The following MDGA2 variants were observed in gnomAD, a reference collection of about 807,000 sequenced individuals.
The protein encoded by MDGA2 is MAM domain-containing glycosylphosphatidylinositol anchor protein 2.
Under a neutral mutation model 117.8 loss-of-function variants are expected in MDGA2, and 40 were observed. The ratio of observed to expected loss-of-function variants is 0.34; its 90% confidence interval spans 0.26 to 0.44. MDGA2 has a LOEUF of 0.44. Ranked by LOEUF, MDGA2 falls within the 20% of genes least tolerant of loss-of-function variation. The probability of loss-of-function intolerance (pLI) is 1.00; values close to 1 mark genes in which losing one functional copy is unlikely to be tolerated. For synonymous variants in MDGA2, 452 were observed against 439.0 expected, an observed-to-expected ratio of 1.03 and a Z score of -0.37; for missense variants, 1,123 against 1,250.6, an observed-to-expected ratio of 0.90 and a Z score of 1.54.
At position 47,456,459 on chromosome 14, in the gene MDGA2, AT is replaced by A. The variant is rs376862684; in HGVS notation, c.281-154910del. 4.4e-3 allele frequency among the ~76,000 whole-genome samples: 629 copies of A among 144,308 alleles called. 4 individuals are homozygous for A. The highest frequency in any genetic ancestry group is 8.4e-3 in the African/African-American group (327 of 39,106). 94.7% of individuals were successfully genotyped at this position (144,308 alleles called of 152,430 possible). ...AGGCATGCACCACCACGCCTGGCTA[AT>A]TTTTTTTTTTTTTTTAGTAGAGACT... On this transcript the variant is annotated intron_variant, in intron 1 of 16. Transcript: ENST00000399232.
intron 2 of MDGA2, among the ~76,000 whole-genome samples, chr14:47,254,092 C>T (rs903383873): frequency 2.0e-5 from 3 of 152,156 alleles, no homozygotes; most frequent in African/African-American, 7.2e-5. Flanking sequence ...CTGGGCCTGC[C>T]CCACACAACC....
intron 5 of MDGA2, among the ~76,000 whole-genome samples, chr14:47,101,109 AT>A (rs1880289018): frequency 2.2e-5 from 3 of 135,832 alleles, no homozygotes; most frequent in Admixed American, 1.5e-4. Flanking sequence ...AGATAGATAG[AT>A]AGATAGATAG....
intron 2 of MDGA2, among the ~76,000 whole-genome samples, chr14:47,288,552 T>C (rs1888768523): frequency 6.6e-6 from 1 of 152,162 alleles, no homozygotes; most frequent in African/African-American, 2.4e-5. Context: ...CATTTAATGA[T>C]TTCTGCCAAA....
At chr14:47,292,823 G>C (rs191134624) in intron 2 of MDGA2, among the ~76,000 whole-genome samples, 27 of 152,254 alleles carry the variant, frequency 1.8e-4, no homozygotes, top group African/African-American at 6.5e-4. Context: ...GATAAGTCAA[G>C]TACCACTCTA....
At chr14:47,047,773 T>C (rs1015921941) in intron 7 of MDGA2, among the ~76,000 whole-genome samples, 2 of 151,946 alleles carry the variant, frequency 1.3e-5, no homozygotes, top group Non-Finnish European at 2.9e-5. Flanking sequence ...GTACTGAGGA[T>C]AGGTACTTAC....
chr14:46,890,433 C>G (rs1221742062), intron 10 of MDGA2, among the ~76,000 whole-genome samples: 3 of 152,136 alleles, frequency 2.0e-5, no homozygotes, highest in Admixed American at 6.6e-5. Flanking sequence ...AAACTACTTT[C>G]AACTTGCATT....
chr14:47,454,241 G>T (rs1261689898), intron 1 of MDGA2, among the ~76,000 whole-genome samples: 1 of 152,014 alleles, frequency 6.6e-6, no homozygotes, highest in Non-Finnish European at 1.5e-5. Context: ...TCTAATTTTT[G>T]ATGTCTGACA....
Position 47,301,667 on chromosome 14 carries a change from T to C in MDGA2, c.281-117A>G. The C allele has an allele frequency of 2.8e-6, 3 of 1,057,144 alleles. No homozygotes were observed. The South Asian group carries it at 4.7e-5, about 17-fold the overall frequency. 65.5% of individuals were successfully genotyped at this position (1,057,144 alleles called of 1,614,324 possible). On this transcript the variant is annotated intron_variant, in intron 1 of 16. Transcript: ENST00000399232. The stretch of plus-strand genomic sequence containing the variant: ...TTAGACTTCACCATAGTCAGATTAG[T>C]CAGATTCATCAGTCTTAACACCTCC...
At chr14:47,449,494 C>T (rs1027028785) in intron 1 of MDGA2, among the ~76,000 whole-genome samples, 16 of 152,006 alleles carry the variant, frequency 1.1e-4, no homozygotes. Flanking sequence ...AGGAGCATAA[C>T]TTTTTGTTTG....
chr14:47,418,636 T>G (rs1594847438), intron 1 of MDGA2, among the ~76,000 whole-genome samples: 1 of 152,274 alleles, frequency 6.6e-6, no homozygotes, highest in African/African-American at 2.4e-5. Flanking sequence ...GAGTTAGAAT[T>G]TCAACATATA....
intron 1 of MDGA2, among the ~76,000 whole-genome samples, chr14:47,584,323 C>T (rs1896281158): frequency 6.6e-6 from 1 of 151,672 alleles, no homozygotes; most frequent in Admixed American, 6.6e-5. Flanking sequence ...AAAACATGAT[C>T]ACACTTGTGA....
intron 1 of MDGA2, among the ~76,000 whole-genome samples, chr14:47,664,608 C>T (rs1170951245): frequency 6.6e-6 from 1 of 152,152 alleles, no homozygotes; most frequent in Non-Finnish European, 1.5e-5. Flanking sequence ...AGAAGAAAGC[C>T]CACGTTACCC....
chr14:47,500,744 G>A (rs1253900699), intron 1 of MDGA2, among the ~76,000 whole-genome samples: 1 of 152,006 alleles, frequency 6.6e-6, no homozygotes, highest in Admixed American at 6.6e-5. Flanking sequence ...GGAGACTAAC[G>A]AAAGTTAATA....
At chr14:47,599,936 C>A (rs577534650) in intron 1 of MDGA2, among the ~76,000 whole-genome samples, 1 of 152,246 alleles carries the variant, frequency 6.6e-6, no homozygotes, top group Non-Finnish European at 1.5e-5. Context: ...GCATATTTCA[C>A]ATATCCTCAA....
At position 47,074,065 on chromosome 14, in the gene MDGA2, G is replaced by T. The variant is rs1462817171; in HGVS notation, c.1196-12487C>A. ...GTCTTTCCCATGTATTTATGAACAT[G>T]ATCATAATTAAATTAGCATGATCAT... On this transcript the variant is annotated intron_variant, in intron 6 of 16. Transcript: ENST00000399232. 2.0e-5 allele frequency among the ~76,000 whole-genome samples: 3 copies of T among 151,506 alleles called. No individual in the cohort carries two copies. The East Asian group carries it at 5.8e-4, about 29-fold the overall frequency.
Position 46,845,871 on chromosome 14 carries a change from G to T in MDGA2, c.2884C>A (p.Leu962Ile), listed in dbSNP as rs760509536. ...VNIYPITSFQ[L>I]IFEGIRGPGI... ...GGACCTCGGATACCTTCAAAAATGA[G>T]CTACAAATATGAATGAAACAAACCT... Residue 962 changes from leucine (L) to isoleucine (I), a missense_variant and splice_region_variant, in exon 16 of 17, where the codon CTC (leucine) becomes ATC (isoleucine). Physicochemically the swap from Leu to Ile is conservative, Grantham distance 5 (BLOSUM62 2). Coordinates refer to ENST00000399232, the MANE Select transcript of MDGA2 (RefSeq NM_001113498.3). 1 of 1,606,804 alleles carries T rather than the reference G, an allele frequency of 6.2e-7. No homozygotes were observed. Among genetic ancestry groups the T allele is most frequent in the South Asian group, 1.1e-5 (1 of 90,876 alleles).
chr14:47,185,465 A>G (rs988413571), intron 3 of MDGA2, among the ~76,000 whole-genome samples: 3 of 151,554 alleles, frequency 2.0e-5, no homozygotes, highest in African/African-American at 7.2e-5. Context: ...ATTATTACAC[A>G]TTATTATGTG....
intron 3 of MDGA2, among the ~76,000 whole-genome samples, chr14:47,190,641 T>G (rs991873671): frequency 4.6e-5 from 7 of 152,194 alleles, no homozygotes; most frequent in Admixed American, 3.9e-4. Flanking sequence ...CATGTAACAT[T>G]TAGTCTCATA....
intron 1 of MDGA2, among the ~76,000 whole-genome samples, chr14:47,463,057 T>G (rs1439410509): frequency 6.6e-6 from 1 of 152,052 alleles, no homozygotes; most frequent in African/African-American, 2.4e-5. Flanking sequence ...TAAACTAAAA[T>G]CTAAGACTTG....
Sources: gnomAD v4.1 joint callset for allele counts (sites outside exome capture counted in the v4.1 genomes callset) on GRCh38, gnomAD v4.1.1 for gene constraint, MANE v1.5 for transcripts, NCBI Gene and HGNC (gene_info 2026-07-23, HGNC 2026-07-21) for gene names.